The following GCLM variants were observed in gnomAD, a reference collection of about 807,000 sequenced individuals.
GCLM encodes glutamate-cysteine ligase modifier subunit, also known as glutamate--cysteine ligase regulatory subunit.
A neutral mutation model predicts 36.0 loss-of-function variants in GCLM; 15 were observed. The observed-to-expected ratio is 0.42, with a 90% confidence interval of 0.28 to 0.64. The LOEUF (loss-of-function observed/expected upper bound fraction) is 0.64. Ranked by LOEUF, GCLM falls within the 30% of genes least tolerant of loss-of-function variation. GCLM has a pLI of 0.25. For missense variants in GCLM, 242 were observed against 325.5 expected (o/e 0.74, Z 1.97); for synonymous variants, 129 against 122.8 (o/e 1.05, Z -0.34).
intron 2 of GCLM, among the ~76,000 whole-genome samples, chr1:93,903,305 T>TA (rs2100924497): frequency 6.6e-6 from 1 of 151,608 alleles, no homozygotes; most frequent in East Asian, 1.9e-4. Flanking sequence ...TTTATTTATT[T>TA]AATTTTATTA....
At chr1:93,906,796 T>A (rs1213334537) in intron 1 of GCLM, among the ~76,000 whole-genome samples, 6 of 152,198 alleles carry the variant, frequency 3.9e-5, no homozygotes, top group Non-Finnish European at 8.8e-5. Flanking sequence ...AGTATAAGCA[T>A]CACCACAACT....
At chr1:93,896,519 G>A (rs1157789770) in intron 5 of GCLM, 99 bp downstream of exon 5, 11 of 932,342 alleles carry the variant, frequency 1.2e-5, no homozygotes, top group African/African-American at 1.1e-4. Flanking sequence ...AAGTCACCCC[G>A]CAGGGGTGGC....
intron 4 of GCLM, 56 bp from the exon 5 acceptor site, chr1:93,896,876 T>C: frequency 1.0e-6 from 1 of 962,666 alleles, no homozygotes; most frequent in Non-Finnish European, 1.7e-6. Context: ...AAACAAATAT[T>C]TCTAATGTTT....
intron 1 of GCLM, 156 bp downstream of exon 1, chr1:93,908,882 C>T: frequency 3.8e-6 from 2 of 524,484 alleles, no homozygotes; most frequent in Non-Finnish European, 6.0e-6. Flanking sequence ...AAGGTCGCGT[C>T]GACACTGGCC....
intron 2 of GCLM, 196 bp downstream of exon 2, chr1:93,904,325 TAA>T (rs371853655): frequency 4.0e-4 from 222 of 559,892 alleles, no homozygotes; most frequent in African/African-American, 3.8e-3. Context: ...CTTGTCTGGT[TAA>T]AGAGTTGCCT....
Position 93,887,692 on chromosome 1 carries a change from AC to A in GCLM, c.*1297del, listed in dbSNP as rs1656372388. On this transcript the variant is annotated 3_prime_UTR_variant, in exon 7 of 7. Transcript: ENST00000370238. Reference sequence around the variant, plus strand: ...ACCATGTTGGTCAGGCTGGTCTCAAACTCCTGACCTCGTGATCTGCCCACCT... The same window carrying A: ...ACCATGTTGGTCAGGCTGGTCTCAAATCCTGACCTCGTGATCTGCCCACCT... 6.6e-6 allele frequency: 1 copy of A among 151,066 alleles called. No individual in the cohort carries two copies. The highest frequency in any genetic ancestry group is 2.4e-5 in the African/African-American group (1 of 41,016). The allele number at this position is 151,066 out of a possible 1,614,324, so 9.4% of individuals were successfully genotyped here.
At chr1:93,896,551 C>G in intron 5 of GCLM, 67 bp downstream of exon 5, 1 of 1,255,102 alleles carries the variant, frequency 8.0e-7, no homozygotes, top group Non-Finnish European at 1.2e-6. Context: ...TGATGCTCAA[C>G]AGTGTGCAGC....
intron 4 of GCLM, among the ~76,000 whole-genome samples, 180 bp downstream of exon 4, chr1:93,897,659 T>C (rs1172630126): frequency 2.6e-5 from 4 of 152,166 alleles, no homozygotes. Context: ...TATCAAAATA[T>C]GACCCTACAT....
chr1:93,888,572 A>G lies in GCLM; in HGVS notation c.*418T>C, dbSNP rs554259656. 432 of 153,022 alleles carry G rather than the reference A, an allele frequency of 2.8e-3. No individual in the cohort carries two copies. Among genetic ancestry groups the G allele is most frequent in the Admixed American group, 8.0e-3 (122 of 15,310 alleles). The allele number at this position is 153,022 out of a possible 1,614,324, so 9.5% of individuals were successfully genotyped here. A position where few individuals can be genotyped will look rare whatever the true frequency, so the allele number is the denominator to read the frequency against. ...TTCTTCCAGTATTTCAGTTTTAACAATTGTAATTAAATTGCTTGGTTATAA... is the reference window on the plus strand; with the variant it reads ...TTCTTCCAGTATTTCAGTTTTAACAGTTGTAATTAAATTGCTTGGTTATAA... On this transcript the variant is annotated 3_prime_UTR_variant, in exon 7 of 7. Transcript: ENST00000370238.
intron 3 of GCLM, 84 bp downstream of exon 3, chr1:93,901,501 A>G (rs1467720677): frequency 2.6e-6 from 2 of 775,880 alleles, no homozygotes; most frequent in South Asian, 1.5e-5. Context: ...TTAGTGTCTG[A>G]GCAAAGAAAG....
chr1:93,901,423 C>A (rs1171441023), intron 3 of GCLM, among the ~76,000 whole-genome samples, 162 bp downstream of exon 3: 1 of 152,264 alleles, frequency 6.6e-6, no homozygotes, highest in Admixed American at 6.5e-5. Context: ...CCAGCACTGA[C>A]CTCTTATAAC....
chr1:93,899,223 G>A lies in GCLM; in HGVS notation c.278-1325C>T, dbSNP rs565188437. Among the ~76,000 whole-genome samples, 5 of 151,936 alleles carry A rather than the reference G, an allele frequency of 3.3e-5. No homozygotes were observed. The South Asian group carries it at 6.2e-4, about 19-fold the overall frequency. On this transcript the variant is annotated intron_variant, in intron 3 of 6. Transcript: ENST00000370238. ...CAAGTAGCTGGGATTATAGGCCTGCGCCACCATGCCTGGCTAATTTTTGTA... is the reference window on the plus strand; with the variant it reads ...CAAGTAGCTGGGATTATAGGCCTGCACCACCATGCCTGGCTAATTTTTGTA...
At chr1:93,896,884 T>C in intron 4 of GCLM, 64 bp from the exon 5 acceptor site, 1 of 906,840 alleles carries the variant, frequency 1.1e-6, no homozygotes, top group Non-Finnish European at 1.8e-6. Context: ...ATTTCTAATG[T>C]TTTCAAAGTA....
chr1:93,895,718 T>C (rs1390242405), intron 5 of GCLM, among the ~76,000 whole-genome samples: 1 of 152,136 alleles, frequency 6.6e-6, no homozygotes, highest in Non-Finnish European at 1.5e-5. Context: ...GTAAAAGGAA[T>C]AAAGAAATAC....
Position 93,897,888 on chromosome 1 carries a change from G to T in GCLM, c.288C>A (p.Phe96Leu). 6.5e-7 allele frequency: 1 copy of T among 1,545,880 alleles called. No homozygotes were observed. Among genetic ancestry groups the T allele is most frequent in the South Asian group, 1.3e-5 (1 of 77,638 alleles). The change falls in exon 4 of 7, where the codon TTC (phenylalanine) becomes TTA (leucine). Residue 96 changes from phenylalanine to leucine, a missense_variant. Transcript: ENST00000370238. ...REEMKVSAKLFIVESNSSSST... is the reference protein window; with the variant it reads ...REEMKVSAKLLIVESNSSSST... ...ATGATGAAGAGTTTGATTCTACAAT[G>T]AACAGTTTTGCTGGGTAACAAAGAA...
At chr1:93,907,158 T>C (rs1157680432) in intron 1 of GCLM, among the ~76,000 whole-genome samples, 3 of 152,290 alleles carry the variant, frequency 2.0e-5, no homozygotes, top group South Asian at 2.1e-4. Flanking sequence ...ACAAAGTTCT[T>C]TTACATAGAA....
chr1:93,902,544 A>T (rs967489465), intron 2 of GCLM, among the ~76,000 whole-genome samples: 1 of 151,596 alleles, frequency 6.6e-6, no homozygotes, highest in African/African-American at 2.4e-5. Flanking sequence ...TATCAAGTAG[A>T]AGGTAGATTG....
chr1:93,900,800 T>C (rs1206656659), intron 3 of GCLM, among the ~76,000 whole-genome samples: 1 of 152,188 alleles, frequency 6.6e-6, no homozygotes, highest in Non-Finnish European at 1.5e-5. Flanking sequence ...AATAACAACA[T>C]GGTAGCAAAT....
intron 5 of GCLM, among the ~76,000 whole-genome samples, chr1:93,895,004 G>GTACTACCC (rs1557727942): frequency 1.4e-5 from 2 of 143,128 alleles, no homozygotes; most frequent in Non-Finnish European, 3.0e-5. Context: ...AAAGCCAACA[G>GTACTACCC]TACTACACTT....
Sources: gnomAD v4.1 joint callset for allele counts (sites outside exome capture counted in the v4.1 genomes callset) on GRCh38, gnomAD v4.1.1 for gene constraint, MANE v1.5 for transcripts, NCBI Gene and HGNC (gene_info 2026-07-23, HGNC 2026-07-21) for gene names.